Variants in ABR observed in about 807,000 individuals in gnomAD.
ABR encodes the protein ABR activator of RhoGEF and GTPase.
In ABR, 35 loss-of-function variants were observed where a neutral mutation model predicts 107.2. That is an observed-to-expected ratio of 0.33 (90% CI 0.25 to 0.43). The LOEUF is 0.43. Ranked by LOEUF, ABR falls within the 20% of genes least tolerant of loss-of-function variation. The pLI, the probability that ABR is intolerant of heterozygous loss-of-function variation, is 1.00. For synonymous variants in ABR, 498 were observed against 462.0 expected (o/e 1.08, Z -1.00); for missense variants, 815 against 1,115.2 (o/e 0.73, Z 3.83).
intron 13 of ABR, among the ~76,000 whole-genome samples, chr17:1,056,627 A>C (rs1411607028): frequency 1.3e-5 from 2 of 152,036 alleles, no homozygotes; most frequent in African/African-American, 4.8e-5. Context: ...CATGAATTCC[A>C]AACTCCCTTG....
chr17:1,106,820 G>A (rs951787001), intron 2 of ABR, among the ~76,000 whole-genome samples: 3 of 152,148 alleles, frequency 2.0e-5, no homozygotes, highest in Admixed American at 6.5e-5. Context: ...GTGTGCCACC[G>A]CATCTGGCCC....
intron 16 of ABR, among the ~76,000 whole-genome samples, chr17:1,020,838 G>A (rs1425443533): frequency 4.6e-5 from 7 of 152,112 alleles, no homozygotes; most frequent in African/African-American, 1.7e-4. Flanking sequence ...ACCCCCTGGG[G>A]CAGGTGACCC....
intron 1 of ABR, among the ~76,000 whole-genome samples, chr17:1,130,163 C>T (rs2039764388): frequency 1.3e-5 from 2 of 152,152 alleles, no homozygotes; most frequent in South Asian, 2.1e-4. Flanking sequence ...GGGACTGGTA[C>T]TCGCCAGCTT....
rs533030365 is a variant in ABR at position 1,047,128 on chromosome 17, G to T, written c.1791+2922C>A. Among the ~76,000 whole-genome samples the T allele has an allele frequency of 5.3e-5, 8 of 152,342 alleles. No homozygotes were observed. The South Asian group carries it at 1.7e-3, about 32-fold the overall frequency. On this transcript the variant is annotated intron_variant, in intron 16 of 22. Transcript: ENST00000302538. ...CTGGGAGGGGGCTTAGAGAGAAGTG[G>T]GGGCCTCAGAGACTGCCCTCCTCCT... is the stretch of plus-strand genomic sequence containing the variant.
chr17:1,063,677 C>G (rs2034325498), intron 10 of ABR, among the ~76,000 whole-genome samples: 1 of 149,184 alleles, frequency 6.7e-6, no homozygotes. Context: ...GCATGTTCCT[C>G]TAGACACTGT....
chr17:1,128,410 T>C (rs2039688837), intron 1 of ABR, among the ~76,000 whole-genome samples: 1 of 152,196 alleles, frequency 6.6e-6, no homozygotes, highest in Non-Finnish European at 1.5e-5. Context: ...AATATCCATT[T>C]CCCCGCCGAC....
rs151146305 is a variant in ABR at position 1,013,578 on chromosome 17, C to T, written c.1792-414G>A. Among the ~76,000 whole-genome samples, 611 of 152,324 alleles carry T rather than the reference C, an allele frequency of 4.0e-3. 4 individuals are homozygous for T. Among genetic ancestry groups the T allele is most frequent in the African/African-American group, 0.013 (545 of 41,568 alleles). On this transcript the variant is annotated intron_variant, in intron 16 of 22. Transcript: ENST00000302538. ...AAAAGGTAAGCACCTGATTAGGAGG[C>T]GCTCAAGTCCATCAGGAGGGAACCA...
At chr17:1,177,406 G>A (rs1432106153) in intron 1 of ABR, among the ~76,000 whole-genome samples, 1 of 152,184 alleles carries the variant, frequency 6.6e-6, no homozygotes, top group East Asian at 1.9e-4. Flanking sequence ...GAGCCGCCCA[G>A]AGGCCAGGGC....
At chr17:1,197,122 TC>T (rs2042585880) in intron 1 of ABR, among the ~76,000 whole-genome samples, 1 of 151,542 alleles carries the variant, frequency 6.6e-6, no homozygotes, top group Admixed American at 6.6e-5. Flanking sequence ...GTATCGGATC[TC>T]GGGGGCATCT....
chr17:1,199,195 A>G (rs1455901798), intron 1 of ABR, among the ~76,000 whole-genome samples: 1 of 150,884 alleles, frequency 6.6e-6, no homozygotes, highest in African/African-American at 2.5e-5. Context: ...TCTGGAAAAC[A>G]AAACCTCTCT....
At chr17:1,076,407 C>T (rs1377765854) in intron 6 of ABR, among the ~76,000 whole-genome samples, 1 of 152,038 alleles carries the variant, frequency 6.6e-6, no homozygotes, top group Non-Finnish European at 1.5e-5. Flanking sequence ...TGGCTCAGCC[C>T]ATCTTCAGGG....
At chr17:1,018,306 T>C (rs958058865) in intron 16 of ABR, among the ~76,000 whole-genome samples, 1 of 152,290 alleles carries the variant, frequency 6.6e-6, no homozygotes, top group East Asian at 1.9e-4. Context: ...CCTCCCAAAG[T>C]GCTGGGATTA....
chr17:1,105,579 T>C (rs917742958), intron 2 of ABR, among the ~76,000 whole-genome samples: 1 of 152,076 alleles, frequency 6.6e-6, no homozygotes, highest in African/African-American at 2.4e-5. Flanking sequence ...CATTAAAAAC[T>C]GGCACAGAAT....
intron 2 of ABR, chr17:1,108,878 C>T: frequency 6.6e-7 from 1 of 1,516,042 alleles, no homozygotes; most frequent in South Asian, 1.2e-5. Context: ...CTCCCGCGCA[C>T]CTTCGGCAGC....
At chr17:1,067,926 A>T (rs748169704) in intron 9 of ABR, among the ~76,000 whole-genome samples, 24 of 152,224 alleles carry the variant, frequency 1.6e-4, no homozygotes, top group African/African-American at 3.9e-4. Flanking sequence ...TATTATTATT[A>T]TTTTTTAAAT....
At position 1,089,671 on chromosome 17, in the gene ABR, A is replaced by C. The variant is rs1285709188; in HGVS notation, c.531+1994T>G. On this transcript the variant is annotated intron_variant, in intron 4 of 22. Transcript: ENST00000302538. ...TGGTTCTGGGAGTCTAAGAAGAAGG[A>C]AATGCAGGCCGGGCGCGGTGGCTCA... Among the ~76,000 whole-genome samples the C allele has an allele frequency of 2.6e-5, 4 of 152,206 alleles. No homozygotes were observed. In the East Asian group the frequency reaches 7.7e-4, roughly 29 times the overall value.
intron 3 of ABR, among the ~76,000 whole-genome samples, chr17:1,093,062 C>A (rs905177152): frequency 6.6e-6 from 1 of 151,860 alleles, no homozygotes; most frequent in Non-Finnish European, 1.5e-5. Context: ...ACCTCGTGAT[C>A]CACCCACCTC....
intron 16 of ABR, among the ~76,000 whole-genome samples, chr17:1,018,550 G>A (rs2071382673): frequency 6.6e-6 from 1 of 152,138 alleles, no homozygotes; most frequent in South Asian, 2.1e-4. Context: ...GCTTCTGCAG[G>A]AAGCTGAGCC....
chr17:1,173,851 C>A (rs1294612472), intron 1 of ABR, among the ~76,000 whole-genome samples: 1 of 152,250 alleles, frequency 6.6e-6, no homozygotes, highest in Non-Finnish European at 1.5e-5. Context: ...CCTGTGCCGG[C>A]CTCTCCCAGT....
Sources: allele counts gnomAD v4.1 joint callset (sites outside exome capture counted in the v4.1 genomes callset), GRCh38; gene constraint gnomAD v4.1.1; transcripts MANE v1.5; gene names NCBI Gene and HGNC (gene_info 2026-07-23, HGNC 2026-07-21).